PID1: variants seen among roughly 807,000 people sequenced by gnomAD.
The protein encoded by PID1 is phosphotyrosine interaction domain containing 1.
In PID1, 10 loss-of-function variants were observed where a neutral mutation model predicts 19.1. The ratio of observed to expected loss-of-function variants is 0.52; its 90% CI spans 0.32 to 0.89. PID1 has a LOEUF of 0.89. PID1 is among the 40% of genes least tolerant of loss of function. The probability of loss-of-function intolerance (pLI) is 0.03; values close to 1 mark genes in which losing one functional copy is unlikely to be tolerated. For missense variants in PID1, 248 were observed against 285.3 expected, an observed-to-expected ratio of 0.87 and a Z score of 0.94; for synonymous variants, 130 against 116.0, an observed-to-expected ratio of 1.12 and a Z score of -0.78.
intron 1 of PID1, among the ~76,000 whole-genome samples, chr2:229,202,840 C>G (rs1013783598): frequency 6.6e-6 from 1 of 152,048 alleles, no homozygotes; most frequent in Non-Finnish European, 1.5e-5. Context: ...CTCCAGAGCT[C>G]AGAATAACAG....
At chr2:229,077,156 TC>T (rs1202767737) in intron 2 of PID1, among the ~76,000 whole-genome samples, 2 of 152,208 alleles carry the variant, frequency 1.3e-5, no homozygotes, top group Admixed American at 6.5e-5. Context: ...GATGATGAGT[TC>T]TTTTTCATGT....
At chr2:229,155,752 T>A in intron 2 of PID1, 66 bp downstream of exon 2, 1 of 1,394,268 alleles carries the variant, frequency 7.2e-7, no homozygotes, top group South Asian at 1.3e-5. Context: ...GAAACATAGG[T>A]CTCAAGCCCA....
At chr2:229,118,251 A>T (rs1695449124) in intron 2 of PID1, among the ~76,000 whole-genome samples, 1 of 152,194 alleles carries the variant, frequency 6.6e-6, no homozygotes, top group Non-Finnish European at 1.5e-5. Flanking sequence ...AATGACAGGA[A>T]ATGGAAAGTG....
chr2:229,236,610 T>C (rs1423058652), intron 1 of PID1: 1 of 151,958 alleles, frequency 6.6e-6, no homozygotes, highest in East Asian at 1.9e-4. Flanking sequence ...TTTCACATCT[T>C]ACAAAGGAAT....
chr2:229,246,575 A>G (rs1280116838), intron 1 of PID1, among the ~76,000 whole-genome samples: 1 of 152,158 alleles, frequency 6.6e-6, no homozygotes, highest in African/African-American at 2.4e-5. Context: ...CTGTGCCGCA[A>G]ACTTTAGTGG....
chr2:229,138,264 A>G (rs1689896576), intron 2 of PID1, among the ~76,000 whole-genome samples: 1 of 152,206 alleles, frequency 6.6e-6, no homozygotes, highest in African/African-American at 2.4e-5. Context: ...AAGCTAGCAC[A>G]TCTGCTGTAA....
intron 2 of PID1, among the ~76,000 whole-genome samples, chr2:229,138,299 T>C (rs978880823): frequency 6.6e-6 from 1 of 152,186 alleles, no homozygotes; most frequent in East Asian, 1.9e-4. Flanking sequence ...AAACACTCAG[T>C]GCTTATAAAA....
At chr2:229,157,821 A>G (rs1690407567) in intron 1 of PID1, among the ~76,000 whole-genome samples, 2 of 152,208 alleles carry the variant, frequency 1.3e-5, no homozygotes, top group South Asian at 4.1e-4. Context: ...ACTTCCCTGT[A>G]CAAGGCAACC....
chr2:229,125,549 GACAAAA>G (rs1432598105), intron 2 of PID1, among the ~76,000 whole-genome samples: 1 of 152,068 alleles, frequency 6.6e-6, no homozygotes, highest in African/African-American at 2.4e-5. Flanking sequence ...CTTGGAACAT[GACAAAA>G]ACATCAAGAA....
intron 2 of PID1, among the ~76,000 whole-genome samples, chr2:229,042,692 T>C (rs965295565): frequency 1.3e-5 from 2 of 152,224 alleles, no homozygotes; most frequent in African/African-American, 4.8e-5. Flanking sequence ...TTCAATGTCA[T>C]ATTCTACCTT....
At chr2:229,231,796 G>A (rs2106267575) in intron 1 of PID1, 1 of 1,421,580 alleles carries the variant, frequency 7.0e-7, no homozygotes, top group East Asian at 2.5e-5. Flanking sequence ...CCAGATGTGT[G>A]ATGGCATTTT....
intron 2 of PID1, among the ~76,000 whole-genome samples, chr2:229,070,573 A>T (rs547734975): frequency 2.6e-5 from 4 of 152,298 alleles, no homozygotes; most frequent in African/African-American, 9.6e-5. Flanking sequence ...AAGAAGATGG[A>T]CGTCCACCCA....
chr2:229,048,004 T>A (rs1191217880), intron 2 of PID1, among the ~76,000 whole-genome samples: 1 of 152,244 alleles, frequency 6.6e-6, no homozygotes, highest in East Asian at 1.9e-4. Context: ...TGTCCCTTTA[T>A]GACAATATAC....
chr2:229,163,681 G>GCGCGCGCA (rs1690540246), intron 1 of PID1, among the ~76,000 whole-genome samples: 2 of 57,848 alleles, frequency 3.5e-5, no homozygotes, highest in African/African-American at 3.4e-5. Context: ...GTGTGCGTGT[G>GCGCGCGCA]CGTGTGTGTG....
intron 1 of PID1, among the ~76,000 whole-genome samples, chr2:229,259,998 T>C (rs529230421): frequency 6.6e-6 from 1 of 152,284 alleles, no homozygotes; most frequent in Non-Finnish European, 1.5e-5. Flanking sequence ...CTAATGTCTG[T>C]AGTTTCTAAG....
intron 2 of PID1, among the ~76,000 whole-genome samples, chr2:229,031,215 C>CAGAAAAAAA (rs1693545662): frequency 2.9e-5 from 2 of 68,426 alleles, no homozygotes; most frequent in East Asian, 4.3e-4. Flanking sequence ...GACTCTGTCT[C>CAGAAAAAAA]AAAAAAAAAA....
chr2:229,106,925 AG>A (rs1002527495), intron 2 of PID1, among the ~76,000 whole-genome samples: 8 of 152,174 alleles, frequency 5.3e-5, no homozygotes, highest in African/African-American at 1.9e-4. Flanking sequence ...ATTTGGAAAC[AG>A]GGTCTTTGCA....
intron 1 of PID1, among the ~76,000 whole-genome samples, chr2:229,181,381 T>TG (rs1690943715): frequency 6.7e-6 from 1 of 149,780 alleles, no homozygotes; most frequent in South Asian, 2.1e-4. Flanking sequence ...AAGTTGATGC[T>TG]GGAAAAAAAA....
chr2:229,113,334 C>T (rs2106150547), intron 2 of PID1, among the ~76,000 whole-genome samples: 1 of 150,182 alleles, frequency 6.7e-6, no homozygotes, highest in African/African-American at 2.4e-5. Flanking sequence ...TAACTTAAGG[C>T]CTAGGTGACC....
Sources: gnomAD v4.1 joint callset for allele counts (sites outside exome capture counted in the v4.1 genomes callset) on GRCh38, gnomAD v4.1.1 for gene constraint, MANE v1.5 for transcripts, NCBI Gene and HGNC (gene_info 2026-07-23, HGNC 2026-07-21) for gene names.